FRY: variants seen among roughly 807,000 people sequenced by gnomAD.
The protein encoded by FRY is FRY microtubule binding protein, also known as protein furry homolog.
Under a neutral mutation model 348.4 loss-of-function variants are expected in FRY, and 128 were observed. The observed-to-expected ratio is 0.37, with a 90% CI of 0.32 to 0.43. The LOEUF (loss-of-function observed/expected upper bound fraction) is 0.43. FRY is among the 20% of genes least tolerant of loss of function. The probability of loss-of-function intolerance (pLI) is 1.00; values close to 1 mark genes in which losing one functional copy is unlikely to be tolerated. For synonymous variants in FRY, 1,370 were observed against 1,374.7 expected, an observed-to-expected ratio of 1.00 and a Z score of 0.08; for missense variants, 2,736 against 3,695.2, an observed-to-expected ratio of 0.74 and a Z score of 6.73.
At position 32,276,635 on chromosome 13, in the gene FRY, C is replaced by T. The variant is rs550820586; in HGVS notation, c.8385+73C>T. 39 of 820,554 alleles carry T rather than the reference C, an allele frequency of 4.8e-5. No individual in the cohort carries two copies. The highest frequency in any genetic ancestry group is 7.0e-5 in the Non-Finnish European group (32 of 456,732). 50.8% of individuals were successfully genotyped at this position (820,554 alleles called of 1,614,324 possible). A position where few individuals can be genotyped will look rare whatever the true frequency, so the allele number is the denominator to read the frequency against. On this transcript the variant is annotated intron_variant, in intron 57 of 60. Transcript: ENST00000542859. ...AACCCAACCACTCTGAGTTCTTGGG[C>T]GGGGTTGTGATTAACTTAAGACTTT... is the stretch of plus-strand genomic sequence containing the variant.
chr13:32,293,833 C>A (rs206124), intron 59 of FRY, among the ~76,000 whole-genome samples: 150,105 of 152,366 alleles, frequency 0.99, 73,980 homozygotes, highest in East Asian at 1. Flanking sequence ...ATTAGGACAG[C>A]GTCCATGGTC....
intron 11 of FRY, among the ~76,000 whole-genome samples, chr13:32,137,692 A>C (rs1205005578): frequency 6.6e-6 from 1 of 152,242 alleles, no homozygotes; most frequent in East Asian, 1.9e-4. Flanking sequence ...ATAAGTGCAA[A>C]TAGGATGTAT....
At chr13:32,142,806 TG>T (rs1880159835) in intron 11 of FRY, among the ~76,000 whole-genome samples, 1 of 152,222 alleles carries the variant, frequency 6.6e-6, no homozygotes, top group Admixed American at 6.5e-5. Context: ...TATAACCTGC[TG>T]TATGGTAGTC....
At chr13:32,075,492 G>C (rs970295695) in intron 1 of FRY, among the ~76,000 whole-genome samples, 1 of 152,124 alleles carries the variant, frequency 6.6e-6, no homozygotes, top group African/African-American at 2.4e-5. Context: ...TTAGAAACTA[G>C]ACAAATTATC....
At chr13:32,088,385 T>TA (rs1444698060) in intron 2 of FRY, among the ~76,000 whole-genome samples, 3 of 152,252 alleles carry the variant, frequency 2.0e-5, no homozygotes, top group African/African-American at 7.2e-5. Flanking sequence ...AAATAACTTT[T>TA]AAAATAGCTG....
intron 40 of FRY, among the ~76,000 whole-genome samples, chr13:32,229,399 C>T (rs1885787108): frequency 6.6e-6 from 1 of 152,142 alleles, no homozygotes; most frequent in African/African-American, 2.4e-5. Flanking sequence ...TGTGATCTTG[C>T]TTTCTTCAGC....
intron 2 of FRY, among the ~76,000 whole-genome samples, chr13:32,090,578 G>T (rs1876231386): frequency 6.6e-6 from 1 of 152,146 alleles, no homozygotes; most frequent in Non-Finnish European, 1.5e-5. Flanking sequence ...AAAGTCTACT[G>T]AGTGAACATA....
At chr13:32,037,249 TAGG>T (rs1433008822) in intron 1 of FRY, among the ~76,000 whole-genome samples, 1 of 152,186 alleles carries the variant, frequency 6.6e-6, no homozygotes, top group African/African-American at 2.4e-5. Flanking sequence ...TTTCTTCTGT[TAGG>T]AGTATTTTAT....
chr13:32,070,012 C>G (rs541607565), intron 1 of FRY, among the ~76,000 whole-genome samples: 5 of 152,080 alleles, frequency 3.3e-5, no homozygotes, highest in African/African-American at 9.7e-5. Context: ...TGGTTTCCAC[C>G]GTCATCCATG....
chr13:32,110,717 A>G (rs1877898203), intron 3 of FRY, among the ~76,000 whole-genome samples: 1 of 152,214 alleles, frequency 6.6e-6, no homozygotes, highest in Non-Finnish European at 1.5e-5. Flanking sequence ...GTAGTATTTA[A>G]TGATGATATA....
At chr13:32,185,521 T>G (rs1397253310) in intron 26 of FRY, among the ~76,000 whole-genome samples, 2 of 152,192 alleles carry the variant, frequency 1.3e-5, no homozygotes, top group Admixed American at 6.5e-5. Flanking sequence ...TCAGCAATAT[T>G]TCTTCTCTCT....
At chr13:32,133,838 G>A (rs1879533817) in intron 8 of FRY, among the ~76,000 whole-genome samples, 2 of 135,172 alleles carry the variant, frequency 1.5e-5, no homozygotes, top group Admixed American at 1.7e-4. Flanking sequence ...GGAGTGCAGT[G>A]GCATGATCTT....
At position 32,272,698 on chromosome 13, in the gene FRY, C is replaced by G. The variant is rs577272416; in HGVS notation, c.8137-2144C>G. ...CAAAAAACATTGTGCACTAGAAGTT[C>G]AGGGGGGTAAAAGTGTTTTTTTGTT... is the stretch of plus-strand genomic sequence containing the variant. On this transcript the variant is annotated intron_variant, in intron 55 of 60. Coordinates refer to ENST00000542859, the MANE Select transcript of FRY (RefSeq NM_023037.3). Among the ~76,000 whole-genome samples the G allele has an allele frequency of 2.0e-5, 3 of 152,214 alleles. No homozygotes were observed. The South Asian group carries it at 6.2e-4, about 32-fold the overall frequency.
At position 32,239,259 on chromosome 13, in the gene FRY, A is replaced by G. The variant is rs763231228; in HGVS notation, c.6426A>G (p.Pro2142=). ...MVDASHAIGF[P]LNVLCLLPQL... is the part of the protein sequence containing the mutation. Reference sequence around the variant, plus strand: ...GTATCTTCTCTAATCCAGGGTTTCCACTGAATGTCTTGTGTCTCCTGCCTC... The same window carrying G: ...GTATCTTCTCTAATCCAGGGTTTCCGCTGAATGTCTTGTGTCTCCTGCCTC... The change falls in exon 45 of 61, where the codon CCA becomes CCG. Residue 2142 remains proline (P), a synonymous_variant. Coordinates refer to ENST00000542859, the MANE Select transcript of FRY (RefSeq NM_023037.3). The surrounding 1 kb of genome is among the most constrained non-coding windows in gnomAD (Gnocchi z 4.3). 7 of 1,594,540 alleles carry G rather than the reference A, an allele frequency of 4.4e-6. No individual in the cohort carries two copies. Among genetic ancestry groups the G allele is most frequent in the Non-Finnish European group, 6.0e-6 (7 of 1,162,154 alleles).
rs1320853779 is a variant in FRY, at chr13:32,210,884, T to C, written c.4441T>C (p.Tyr1481His). ...TTCTCAGATTAAAAAAGTGGCAATA[T>C]ACTTGTGCCGTAACAACACCATTCA... ...LLPYIKKVAI[Y>H]LCRNNTIQTM... The change falls in exon 34 of 61, where the codon TAC becomes CAC. Residue 1481 changes from tyrosine to histidine, a missense_variant. Transcript: ENST00000542859. 6.2e-7 allele frequency: 1 copy of C among 1,613,870 alleles called. No individual in the cohort carries two copies. The highest frequency in any genetic ancestry group is 2.2e-5 in the East Asian group (1 of 44,902).
chr13:32,204,646 C>A (rs1004997567), intron 31 of FRY, among the ~76,000 whole-genome samples: 1 of 152,244 alleles, frequency 6.6e-6, no homozygotes, highest in Admixed American at 6.5e-5. Context: ...TCTAACTTAA[C>A]ATCCACCTCA....
In FRY at chr13:32,094,579, T is replaced by C. The variant is rs76372456; in HGVS notation, c.271-7384T>C. 9.8e-3 allele frequency among the ~76,000 whole-genome samples: 1,489 copies of C among 152,250 alleles called. 23 individuals carry two copies. Among genetic ancestry groups the C allele is most frequent in the African/African-American group, 0.034 (1,403 of 41,532 alleles). On this transcript the variant is annotated intron_variant, in intron 2 of 60. Transcript: ENST00000542859. ...GTGTCTATGAGTTCAATTGTTTTAATCTTTAGATCCCACAAATAAGTGAGA... is the reference window on the plus strand; with the variant it reads ...GTGTCTATGAGTTCAATTGTTTTAACCTTTAGATCCCACAAATAAGTGAGA...
intron 35 of FRY, among the ~76,000 whole-genome samples, chr13:32,213,886 T>C (rs1165904431): frequency 2.6e-5 from 4 of 152,238 alleles, no homozygotes; most frequent in African/African-American, 9.6e-5. Flanking sequence ...ACAGAACATC[T>C]TCAAGAGAGA....
At chr13:32,098,988 G>A (rs17507008) in intron 2 of FRY, among the ~76,000 whole-genome samples, 25,096 of 151,756 alleles carry the variant, frequency 0.17, 2,535 homozygotes, top group East Asian at 0.24. Context: ...CACCATGTGC[G>A]TTTCTTCAAG....
Sources: gnomAD v4.1 joint callset for allele counts (sites outside exome capture counted in the v4.1 genomes callset) on GRCh38, gnomAD v4.1.1 for gene constraint, Gnocchi (gnomAD v3.1) non-coding constraint, MANE v1.5 for transcripts, NCBI Gene and HGNC (gene_info 2026-07-23, HGNC 2026-07-21) for gene names.